The following MAP1LC3B2 variants were observed in gnomAD, a reference collection of about 807,000 sequenced individuals.
The protein encoded by MAP1LC3B2 is microtubule associated protein 1 light chain 3 beta 2, also known as microtubule-associated protein 1 light chain 3 beta 2.
For missense variants in MAP1LC3B2, 155 were observed against 154.6 expected (o/e 1.00, Z -0.01); for synonymous variants, 62 against 57.8 (o/e 1.07, Z -0.33).
intron 1 of MAP1LC3B2, among the ~76,000 whole-genome samples, chr12:116,570,633 TTC>T (rs1172551739): frequency 6.6e-6 from 1 of 152,214 alleles, no homozygotes; most frequent in African/African-American, 2.4e-5. Context: ...TTGGCTCTCA[TTC>T]TCTCTTGCCT....
intron 1 of MAP1LC3B2, among the ~76,000 whole-genome samples, chr12:116,560,278 T>C (rs1278601154): frequency 1.4e-5 from 2 of 146,312 alleles, no homozygotes; most frequent in Non-Finnish European, 3.0e-5. Context: ...AGATAGAGTC[T>C]TCCTCTGTCG....
chr12:116,569,428 C>T (rs1869472382), intron 1 of MAP1LC3B2, among the ~76,000 whole-genome samples: 1 of 152,188 alleles, frequency 6.6e-6, no homozygotes, highest in Non-Finnish European at 1.5e-5. Context: ...ACTTAACCCA[C>T]AACGTAGTAG....
chr12:116,560,188 C>CCATATATATATATATACATATACA (rs1491120344), intron 1 of MAP1LC3B2: 9 of 88,410 alleles, frequency 1.0e-4, no homozygotes, highest in African/African-American at 4.1e-4. Context: ...CTAAGTTTGG[C>CCATATATATATATATACATATACA]TATATATATA....
intron 1 of MAP1LC3B2, among the ~76,000 whole-genome samples, chr12:116,572,421 G>T (rs1239301278): frequency 1.3e-5 from 2 of 149,326 alleles, no homozygotes; most frequent in Non-Finnish European, 3.0e-5. Flanking sequence ...CTGGAGTGCG[G>T]CGGCGTGATC....
intron 1 of MAP1LC3B2, among the ~76,000 whole-genome samples, chr12:116,572,223 C>G (rs1042629153): frequency 6.6e-6 from 1 of 152,160 alleles, no homozygotes; most frequent in Non-Finnish European, 1.5e-5. Context: ...GCACGGGCAT[C>G]GTCTATTTGT....
At chr12:116,566,627 A>C (rs545333352) in intron 1 of MAP1LC3B2, among the ~76,000 whole-genome samples, 1 of 143,792 alleles carries the variant, frequency 7.0e-6, no homozygotes, top group Non-Finnish European at 1.5e-5. Context: ...AAAAAAAAAA[A>C]AAAAAAAAAA....
At chr12:116,564,614 A>G (rs1869345473) in intron 1 of MAP1LC3B2, among the ~76,000 whole-genome samples, 1 of 152,186 alleles carries the variant, frequency 6.6e-6, no homozygotes, top group South Asian at 2.1e-4. Context: ...TACCTCTCCA[A>G]TAGCAGTTCC....
chr12:116,560,962 CA>C (rs1869257846), intron 1 of MAP1LC3B2, among the ~76,000 whole-genome samples: 1 of 152,054 alleles, frequency 6.6e-6, no homozygotes, highest in Non-Finnish European at 1.5e-5. Context: ...ACTAAAACTA[CA>C]AAAATTAGCT....
chr12:116,562,572 C>A (rs939637195), intron 1 of MAP1LC3B2, among the ~76,000 whole-genome samples: 1 of 152,170 alleles, frequency 6.6e-6, no homozygotes, highest in Non-Finnish European at 1.5e-5. Context: ...TTGGGAAAGT[C>A]ACATAAATCT....
chr12:116,573,484 A>C (rs190022404), intron 1 of MAP1LC3B2, among the ~76,000 whole-genome samples: 4 of 152,282 alleles, frequency 2.6e-5, no homozygotes, highest in Admixed American at 2.0e-4. Context: ...TATAATTCAT[A>C]AAGGATTAAT....
chr12:116,566,760 T>C (rs902891044), intron 1 of MAP1LC3B2, among the ~76,000 whole-genome samples: 2 of 149,530 alleles, frequency 1.3e-5, no homozygotes, highest in African/African-American at 2.5e-5. Context: ...GGTGAAACCC[T>C]GTCTCTACTA....
intron 1 of MAP1LC3B2, among the ~76,000 whole-genome samples, chr12:116,570,948 T>C (rs1869513516): frequency 1.3e-5 from 2 of 152,358 alleles, no homozygotes; most frequent in South Asian, 4.1e-4. Context: ...AATGTTCTTC[T>C]ATCGGTTGCA....
At chr12:116,568,233 C>T (rs1869442536) in intron 1 of MAP1LC3B2, among the ~76,000 whole-genome samples, 1 of 152,090 alleles carries the variant, frequency 6.6e-6, no homozygotes, top group Non-Finnish European at 1.5e-5. Flanking sequence ...GTAACAGGCC[C>T]TTTTCTCAAA....
At chr12:116,570,898 T>C (rs1467075887) in intron 1 of MAP1LC3B2, among the ~76,000 whole-genome samples, 1 of 152,200 alleles carries the variant, frequency 6.6e-6, no homozygotes, top group Non-Finnish European at 1.5e-5. Flanking sequence ...ACTGATCACT[T>C]GGGAAAACAC....
chr12:116,576,576 A>G lies in MAP1LC3B2; in HGVS notation c.*256A>G, dbSNP rs1043883748. The G allele has an allele frequency of 7.1e-6, 3 of 422,176 alleles. No individual in the cohort carries two copies. In the Admixed American group the frequency reaches 1.3e-4, roughly 18 times the overall value. 26.2% of individuals were successfully genotyped at this position (422,176 alleles called of 1,614,324 possible). On this transcript the variant is annotated 3_prime_UTR_variant, in exon 2 of 2. Transcript: ENST00000556529. ...TTCAAATTTTAAAAGTTTAAAAATA[A>G]AATACTTTGCATTCTAAAAAAAAAA... is the stretch of plus-strand genomic sequence containing the variant.
intron 1 of MAP1LC3B2, among the ~76,000 whole-genome samples, chr12:116,575,086 A>G (rs1014793044): frequency 2.6e-5 from 4 of 151,656 alleles, no homozygotes; most frequent in Admixed American, 2.0e-4. Context: ...AGACTGAGGC[A>G]GGAGAATCAC....
intron 1 of MAP1LC3B2, among the ~76,000 whole-genome samples, chr12:116,561,051 A>C (rs1869260742): frequency 6.6e-6 from 1 of 152,026 alleles, no homozygotes; most frequent in African/African-American, 2.4e-5. Flanking sequence ...CGGGAAGCAG[A>C]GGTTGCAGTG....
At chr12:116,570,219 TATA>T (rs1246532295) in intron 1 of MAP1LC3B2, among the ~76,000 whole-genome samples, 1 of 152,200 alleles carries the variant, frequency 6.6e-6, no homozygotes, top group Non-Finnish European at 1.5e-5. Flanking sequence ...TGGCTCAACT[TATA>T]ATTTTTCAAC....
Position 116,576,004 on chromosome 12 carries a change from G to A in MAP1LC3B2, c.62G>A (p.Arg21Gln), listed in dbSNP as rs1252173294. Reference sequence around the variant, plus strand: ...TTCGAACAAAGAGTAGAAGATGTCCGACTTATTCGAGAGCAGCATCCAACC... The same window carrying A: ...TTCGAACAAAGAGTAGAAGATGTCCAACTTATTCGAGAGCAGCATCCAACC... ...RTFEQRVEDVRLIREQHPTKI... is the reference protein window; with the variant it reads ...RTFEQRVEDVQLIREQHPTKI... The change falls in exon 2 of 2, where the codon CGA (arginine) becomes CAA (glutamine). Residue 21 changes from arginine to glutamine, a missense_variant. Physicochemically the swap from Arg to Gln is conservative, Grantham distance 43 (BLOSUM62 1). Transcript: ENST00000556529. 1.2e-6 allele frequency: 2 copies of A among 1,614,178 alleles called. No homozygotes were observed. The highest frequency in any genetic ancestry group is 3.3e-5 in the Admixed American group (2 of 60,016).
Sources: gnomAD v4.1 joint callset for allele counts (sites outside exome capture counted in the v4.1 genomes callset) on GRCh38, gnomAD v4.1.1 for gene constraint, MANE v1.5 for transcripts, NCBI Gene and HGNC (gene_info 2026-07-23, HGNC 2026-07-21) for gene names.